The following NRXN3 variants were observed in gnomAD, a reference collection of about 807,000 sequenced individuals.
NRXN3 encodes neurexin 3.
Under a neutral mutation model 137.6 loss-of-function variants are expected in NRXN3, and 32 were observed. The ratio of observed to expected loss-of-function variants is 0.23; its 90% CI spans 0.18 to 0.31. NRXN3 has a LOEUF of 0.31. Ranked by LOEUF, NRXN3 falls within the 10% of genes least tolerant of loss-of-function variation. NRXN3 has a pLI of 1.00. For missense variants in NRXN3, 1,574 were observed against 2,062.5 expected (o/e 0.76, Z 4.59); for synonymous variants, 798 against 784.5 (o/e 1.02, Z -0.29).
In NRXN3 at chr14:79,523,322, G is replaced by A. The variant is rs888307732; in HGVS notation, c.3444+55920G>A. Among the ~76,000 whole-genome samples, 85 of 152,146 alleles carry A rather than the reference G, an allele frequency of 5.6e-4. 3 individuals are homozygous for A. Among genetic ancestry groups the A allele is most frequent in the Admixed American group, 5.6e-3 (85 of 15,268 alleles). ...TTTCTTCTTTCTCATGATGAGAGCTGTTACCTAAAGGAGCAAAGCTTTAAT... is the reference window on the plus strand; with the variant it reads ...TTTCTTCTTTCTCATGATGAGAGCTATTACCTAAAGGAGCAAAGCTTTAAT... On this transcript the variant is annotated intron_variant, in intron 16 of 20. Coordinates refer to ENST00000335750, the MANE Select transcript of NRXN3 (RefSeq NM_001330195.2).
intron 10 of NRXN3, among the ~76,000 whole-genome samples, chr14:78,813,486 A>G (rs888154438): frequency 1.1e-4 from 16 of 151,898 alleles, no homozygotes; most frequent in Non-Finnish European, 1.5e-4. Flanking sequence ...GTCATAGGGT[A>G]CCTTGCTTAA....
intron 4 of NRXN3, among the ~76,000 whole-genome samples, chr14:78,457,103 A>G (rs983113028): frequency 6.8e-6 from 1 of 146,064 alleles, no homozygotes; most frequent in African/African-American, 2.6e-5. Flanking sequence ...CGGTGGTTCA[A>G]TCTCACCTCA....
intron 1 of NRXN3, among the ~76,000 whole-genome samples, chr14:78,209,300 C>A (rs2153409155): frequency 6.6e-6 from 1 of 152,166 alleles, no homozygotes; most frequent in African/African-American, 2.4e-5. Flanking sequence ...AAGGAGAGGG[C>A]AGCCAGGGGT....
intron 4 of NRXN3, among the ~76,000 whole-genome samples, chr14:78,618,742 C>T (rs775749425): frequency 6.6e-6 from 1 of 152,156 alleles, no homozygotes; most frequent in Non-Finnish European, 1.5e-5. Flanking sequence ...GGTAGGAAAA[C>T]TGAGGATCAG....
intron 15 of NRXN3, among the ~76,000 whole-genome samples, chr14:79,444,682 G>T (rs1468051112): frequency 1.1e-4 from 17 of 152,088 alleles, no homozygotes; most frequent in Admixed American, 1.1e-3. Flanking sequence ...TTTTAAATTA[G>T]CTGGACATGG....
At chr14:78,406,369 A>G (rs140466376) in intron 4 of NRXN3, among the ~76,000 whole-genome samples, 58 of 152,286 alleles carry the variant, frequency 3.8e-4, no homozygotes, top group African/African-American at 1.3e-3. Flanking sequence ...CTGAAGGATG[A>G]CTGCGGGAGT....
intron 20 of NRXN3, among the ~76,000 whole-genome samples, chr14:79,824,946 C>T (rs1182950876): frequency 1.3e-5 from 2 of 152,140 alleles, no homozygotes; most frequent in Non-Finnish European, 1.5e-5. Context: ...ACATGAAAAA[C>T]TGATAATGTA....
chr14:79,168,650 T>A (rs2061499325), intron 15 of NRXN3, among the ~76,000 whole-genome samples: 1 of 151,990 alleles, frequency 6.6e-6, no homozygotes, highest in Non-Finnish European at 1.5e-5. Flanking sequence ...GCTGGTTTCC[T>A]CCCTGTTGAC....
chr14:78,957,608 G>A (rs1436626904), intron 11 of NRXN3, among the ~76,000 whole-genome samples: 1 of 152,084 alleles, frequency 6.6e-6, no homozygotes, highest in Non-Finnish European at 1.5e-5. Context: ...CTCTCCTTAG[G>A]CGTAGAGTAT....
chr14:78,813,103 G>T, intron 10 of NRXN3, among the ~76,000 whole-genome samples: 1 of 152,132 alleles, frequency 6.6e-6, no homozygotes, highest in Admixed American at 6.5e-5. Flanking sequence ...GATATATTAT[G>T]CAGAAGAATG....
At chr14:79,240,964 G>T (rs2074190574) in intron 15 of NRXN3, among the ~76,000 whole-genome samples, 1 of 152,018 alleles carries the variant, frequency 6.6e-6, no homozygotes, top group Non-Finnish European at 1.5e-5. Flanking sequence ...GTGTGTTTGG[G>T]TGTGTATGTG....
At chr14:79,287,380 G>A (rs2082438558) in intron 15 of NRXN3, among the ~76,000 whole-genome samples, 1 of 152,106 alleles carries the variant, frequency 6.6e-6, no homozygotes, top group Admixed American at 6.6e-5. Context: ...TGAAAAGAGA[G>A]GACTCCAAGA....
chr14:78,413,471 G>A (rs1395370041), intron 4 of NRXN3, among the ~76,000 whole-genome samples: 1 of 152,106 alleles, frequency 6.6e-6, no homozygotes, highest in East Asian at 1.9e-4. Flanking sequence ...TTTCAGTAGA[G>A]ACGAGGTTTC....
intron 19 of NRXN3, among the ~76,000 whole-genome samples, chr14:79,787,627 A>G (rs911348434): frequency 2.6e-5 from 4 of 152,136 alleles, no homozygotes; most frequent in Admixed American, 6.5e-5. Context: ...AGATTTCTAC[A>G]TACAGGTGAG....
At chr14:78,900,020 T>C (rs375714190) in intron 10 of NRXN3, among the ~76,000 whole-genome samples, 2 of 152,140 alleles carry the variant, frequency 1.3e-5, no homozygotes, top group East Asian at 3.9e-4. Flanking sequence ...TAATTGGCAT[T>C]TTCTATTTTC....
intron 15 of NRXN3, among the ~76,000 whole-genome samples, chr14:79,316,090 A>AG (rs149849794): frequency 4.5e-4 from 68 of 152,330 alleles, no homozygotes; most frequent in Admixed American, 1.4e-3. Flanking sequence ...CCGAATCGCG[A>AG]GGAAGGTATG....
chr14:78,661,056 A>T (rs1375248195), intron 6 of NRXN3, among the ~76,000 whole-genome samples: 1 of 152,214 alleles, frequency 6.6e-6, no homozygotes, highest in African/African-American at 2.4e-5. Context: ...TTTTTGAGGA[A>T]CGCTAGTGAA....
At chr14:78,239,870 A>G (rs2066857417) in intron 1 of NRXN3, among the ~76,000 whole-genome samples, 1 of 151,976 alleles carries the variant, frequency 6.6e-6, no homozygotes, top group Admixed American at 6.6e-5. Context: ...ACTGGGACTA[A>G]TTTTTGTATT....
intron 6 of NRXN3, among the ~76,000 whole-genome samples, chr14:78,657,577 C>A (rs1441396257): frequency 1.3e-5 from 2 of 152,216 alleles, no homozygotes; most frequent in Non-Finnish European, 2.9e-5. Context: ...GATAGAACAT[C>A]ATTGTGCACA....
Sources: gnomAD v4.1 joint callset for allele counts (sites outside exome capture counted in the v4.1 genomes callset) on GRCh38, gnomAD v4.1.1 for gene constraint, MANE v1.5 for transcripts, NCBI Gene and HGNC (gene_info 2026-07-23, HGNC 2026-07-21) for gene names.